Variants in TMEM247 observed in about 807,000 individuals in gnomAD.
The protein encoded by TMEM247 is transmembrane protein ENSP00000343375.
Under a neutral mutation model 20.7 loss-of-function variants are expected in TMEM247, and 23 were observed. The ratio of observed to expected loss-of-function variants is 1.11; its 90% CI spans 0.80 to 1.57. The LOEUF (loss-of-function observed/expected upper bound fraction) is 1.57. Among genes scored for constraint, TMEM247 ranks in the 40% most tolerant of loss-of-function variants. The probability of loss-of-function intolerance (pLI) is 0.00; values close to 1 mark genes in which losing one functional copy is unlikely to be tolerated. For missense variants in TMEM247, 354 were observed against 283.8 expected (o/e 1.25, Z -1.78); for synonymous variants, 106 against 111.9 (o/e 0.95, Z 0.33).
At position 46,480,708 on chromosome 2, in the gene TMEM247, G is replaced by A. The variant is rs1019662199; in HGVS notation, c.421G>A (p.Glu141Lys). 3 of 1,550,664 alleles carry A rather than the reference G, an allele frequency of 1.9e-6. No homozygotes were observed. The African/African-American group carries it at 4.1e-5, about 21-fold the overall frequency. Residue 141 changes from glutamate (E) to lysine (K), a missense_variant, in exon 2 of 3, where the codon GAG (glutamate) becomes AAG (lysine). By Grantham distance (56) the Glu-to-Lys change is moderately conservative. Coordinates refer to ENST00000434431, the Ensembl canonical transcript of TMEM247. ...GGTGGTGATGGAGCAGCTGCAGCGGGAGCGGCAGCACGAGGTGGTGATGGA... is the reference window on the plus strand; with the variant it reads ...GGTGGTGATGGAGCAGCTGCAGCGGAAGCGGCAGCACGAGGTGGTGATGGA...
chr2:46,479,657 G>C, exon 1 of TMEM247: 1 of 1,551,748 alleles, frequency 6.4e-7, no homozygotes, highest in Non-Finnish European at 8.7e-7. Context: ...TCCCCAAGAT[G>C]GTGCCTGGTG....
chr2:46,483,915 T>C (rs555482725), intron 2 of TMEM247, among the ~76,000 whole-genome samples: 30 of 152,206 alleles, frequency 2.0e-4, no homozygotes, highest in Non-Finnish European at 2.8e-4. Context: ...AGCCTCCCAA[T>C]AGATGGGACT....
chr2:46,484,065 A>C (rs115363846), intron 2 of TMEM247, among the ~76,000 whole-genome samples, 179 bp from the exon 3 acceptor site: 2,838 of 152,302 alleles, frequency 0.019, 93 homozygotes, highest in African/African-American at 0.065. Context: ...TACTGGGATT[A>C]TAGGTATGAG....
At chr2:46,481,024 A>C (rs2103782796) in intron 2 of TMEM247, among the ~76,000 whole-genome samples, 1 of 152,270 alleles carries the variant, frequency 6.6e-6, no homozygotes, top group South Asian at 2.1e-4. Context: ...TTCCACGGGA[A>C]GCTGAGATGT....
chr2:46,480,822 G>A, intron 2 of TMEM247, 58 bp downstream of exon 2: 1 of 1,491,426 alleles, frequency 6.7e-7, no homozygotes, highest in Non-Finnish European at 8.9e-7. Flanking sequence ...AAGTCCCATG[G>A]GGCCTGGAGC....
chr2:46,483,847 G>T (rs1206090944), intron 2 of TMEM247, among the ~76,000 whole-genome samples: 1 of 152,068 alleles, frequency 6.6e-6, no homozygotes, highest in Non-Finnish European at 1.5e-5. Context: ...GAAGTTAGTG[G>T]CATGAGCATA....
In TMEM247 at chr2:46,484,413, C is replaced by CT. The variant is rs1237088056; in HGVS notation, c.650dup (p.Trp218LeufsTer?). 6.4e-7 allele frequency: 1 copy of CT among 1,551,238 alleles called. No individual in the cohort carries two copies. The highest frequency in any genetic ancestry group is 2.0e-5 in the Admixed American group (1 of 50,906). On this transcript the variant is annotated frameshift_variant, in exon 3 of 3. Transcript: ENST00000434431. LOFTEE classifies it high-confidence loss of function. The stretch of plus-strand genomic sequence containing the variant: ...GCCATTTTGCTCTGTTTGATTAAAA[C>CT]TTTCTGGTCATACTTCCAAGTGCCT...
chr2:46,483,782 CTTTTG>C (rs890541605), intron 2 of TMEM247, among the ~76,000 whole-genome samples: 64 of 152,192 alleles, frequency 4.2e-4, no homozygotes, highest in African/African-American at 1.2e-3. Context: ...TCCTTGTGAT[CTTTTG>C]TTTTGTTTTA....
intron 1 of TMEM247, 65 bp downstream of exon 1, chr2:46,479,767 G>A (rs2103780918): frequency 8.4e-7 from 1 of 1,186,764 alleles, no homozygotes; most frequent in Non-Finnish European, 1.2e-6. Flanking sequence ...AATACTGTAG[G>A]AACACATGCT....
exon 3 of TMEM247, chr2:46,484,328 T>C (rs1208254774): frequency 6.4e-7 from 1 of 1,552,398 alleles, no homozygotes; most frequent in Non-Finnish European, 8.7e-7. Flanking sequence ...TCACATCATC[T>C]ATGTCACCAA....
exon 3 of TMEM247, chr2:46,484,303 C>T (rs1301716257): frequency 2.6e-6 from 4 of 1,552,204 alleles, no homozygotes; most frequent in Non-Finnish European, 3.5e-6. Context: ...TGTTCCTGTA[C>T]TGCTTCATCT....
intron 1 of TMEM247, 51 bp downstream of exon 1, chr2:46,479,753 C>A (rs932968528): frequency 1.5e-6 from 2 of 1,291,566 alleles, no homozygotes; most frequent in East Asian, 2.5e-5. Context: ...TCAGGGGGAG[C>A]AAGAATACTG....
intron 2 of TMEM247, among the ~76,000 whole-genome samples, chr2:46,483,635 C>G (rs1686932568): frequency 6.6e-6 from 1 of 152,192 alleles, no homozygotes; most frequent in Non-Finnish European, 1.5e-5. Context: ...ATGGGCCGTA[C>G]AGACCATAAA....
At chr2:46,480,512 C>T (rs1686859249) in exon 2 of TMEM247, 2 of 1,551,758 alleles carry the variant, frequency 1.3e-6, no homozygotes, top group Non-Finnish European at 1.7e-6. Context: ...CCCCCAAGTC[C>T]TGCCGTGCTA....
At chr2:46,484,164 G>C in intron 2 of TMEM247, 80 bp from the exon 3 acceptor site, 1 of 1,259,308 alleles carries the variant, frequency 7.9e-7, no homozygotes, top group Non-Finnish European at 1.1e-6. Flanking sequence ...CATACAGGCA[G>C]GGTCAGAGCA....
In TMEM247 at chr2:46,480,584, G is replaced by A. The variant is rs530468852; in HGVS notation, c.297G>A (p.Glu99=). 9 of 1,551,494 alleles carry A rather than the reference G, an allele frequency of 5.8e-6. No individual in the cohort carries two copies. In the African/African-American group the frequency reaches 1.1e-4, roughly 19 times the overall value. Residue 99 remains glutamate, a synonymous_variant, in exon 2 of 3, where the codon GAG becomes GAA. Coordinates refer to ENST00000434431, the Ensembl canonical transcript of TMEM247. ...AGCTGCCCCCGACCCCTGGGACTGAGCGCAATCCCGAGATGGAGCTGGAGA... is the reference window on the plus strand; with the variant it reads ...AGCTGCCCCCGACCCCTGGGACTGAACGCAATCCCGAGATGGAGCTGGAGA...
chr2:46,479,654 G>T (rs1686839915), exon 1 of TMEM247: 1 of 1,551,790 alleles, frequency 6.4e-7, no homozygotes, highest in South Asian at 1.2e-5. Flanking sequence ...CCTTCCCCAA[G>T]ATGGTGCCTG....
At chr2:46,483,683 G>A (rs922136864) in intron 2 of TMEM247, among the ~76,000 whole-genome samples, 1 of 152,158 alleles carries the variant, frequency 6.6e-6, no homozygotes, top group African/African-American at 2.4e-5. Context: ...CCAGTCAGGA[G>A]GGATAAGAGC....
chr2:46,482,477 T>C (rs1215869489), intron 2 of TMEM247, among the ~76,000 whole-genome samples: 1 of 152,264 alleles, frequency 6.6e-6, no homozygotes, highest in Non-Finnish European at 1.5e-5. Flanking sequence ...TACCCCCTTT[T>C]CAGTTTGAAA....
Sources: allele counts gnomAD v4.1 joint callset (sites outside exome capture counted in the v4.1 genomes callset), GRCh38; gene constraint gnomAD v4.1.1; transcripts MANE v1.5; gene names NCBI Gene and HGNC (gene_info 2026-07-23, HGNC 2026-07-21).